Variants in RAP1GAP observed in about 807,000 individuals in gnomAD.
The protein encoded by RAP1GAP is RAP1 GTPase activating protein, also known as rap1 GTPase-activating protein 1.
RAP1GAP carries 35 observed loss-of-function variants against 87.2 expected under a neutral mutation model. The observed-to-expected ratio is 0.40, with a 90% CI of 0.31 to 0.53. RAP1GAP has a LOEUF of 0.53. RAP1GAP is among the 20% of genes least tolerant of loss of function. The pLI is 0.48. For synonymous variants in RAP1GAP, 375 were observed against 363.9 expected (o/e 1.03, Z -0.35); for missense variants, 734 against 898.9 (o/e 0.82, Z 2.35).
At chr1:21,608,173 C>T (rs1199792055) in intron 17 of RAP1GAP, 40 bp downstream of exon 17, 3 of 1,607,304 alleles carry the variant, frequency 1.9e-6, no homozygotes, top group Admixed American at 1.7e-5. Flanking sequence ...GCCCTAGCCA[C>T]GTCCCTGCTC....
At position 21,622,155 on chromosome 1, in the gene RAP1GAP, AG is replaced by A. The variant is rs1329412884; in HGVS notation, c.-18-2106del. 6.6e-6 allele frequency among the ~76,000 whole-genome samples: 1 copy of A among 152,052 alleles called. No individual in the cohort carries two copies. The highest frequency in any genetic ancestry group is 1.9e-4 in the East Asian group (1 of 5,170). Reference sequence around the variant, plus strand: ...CCCGGGAGGCCACAGCAAGAGCCCCAGGGTCCGGGACCCCAGGGTAGGGGTG... The same window carrying A: ...CCCGGGAGGCCACAGCAAGAGCCCCAGGTCCGGGACCCCAGGGTAGGGGTG... On this transcript the variant is annotated intron_variant, in intron 3 of 24. Coordinates refer to ENST00000374765, the MANE Select transcript of RAP1GAP (RefSeq NM_002885.4). The surrounding 1 kb of genome is among the most constrained non-coding windows in gnomAD (Gnocchi z 5.7).
In RAP1GAP at chr1:21,622,263, C is replaced by A. The variant is rs1478036691; in HGVS notation, c.-18-2213G>T. ...TCCGCCCGCCCTGGCTGGGGCAGAG[C>A]CGGCCGGGCTCCCCAGCAGTCGGGG... On this transcript the variant is annotated intron_variant, in intron 3 of 24. Transcript: ENST00000374765. This position sits in a 1 kb window ranked among gnomAD's most constrained non-coding sequence, Gnocchi z 5.7. 1.2e-5 allele frequency: 5 copies of A among 420,366 alleles called. No individual in the cohort carries two copies. The Admixed American group carries it at 1.9e-4, about 16-fold the overall frequency. The allele number at this position is 420,366 out of a possible 1,614,324, so 26.0% of individuals were successfully genotyped here.
At chr1:21,645,589 C>A (rs909471086) in intron 2 of RAP1GAP, among the ~76,000 whole-genome samples, 1 of 152,254 alleles carries the variant, frequency 6.6e-6, no homozygotes, top group Admixed American at 6.5e-5. Context: ...CCCAGTAGAA[C>A]CCCCTCACCC....
At chr1:21,612,910 A>C (rs1162197001) in intron 10 of RAP1GAP, 2 of 520,518 alleles carry the variant, frequency 3.8e-6, no homozygotes, top group Non-Finnish European at 7.0e-6. Context: ...CCCAAACATC[A>C]CAGAGGTTCC....
At chr1:21,627,524 T>C (rs1308815218) in intron 2 of RAP1GAP, among the ~76,000 whole-genome samples, 2 of 150,902 alleles carry the variant, frequency 1.3e-5, no homozygotes, top group Non-Finnish European at 3.0e-5. Context: ...CGAGCGATTC[T>C]CCTGCCTCAG....
chr1:21,664,959 G>C (rs920693602), intron 1 of RAP1GAP, among the ~76,000 whole-genome samples: 1 of 152,136 alleles, frequency 6.6e-6, no homozygotes, highest in African/African-American at 2.4e-5. Context: ...CCCGTTCTAG[G>C]GAGAAAGAAA....
rs767454011 is a variant in RAP1GAP at position 21,598,027 on chromosome 1, C to G, written c.1917G>C (p.Leu639Phe). ...SRSPHPDAGK[L>F]GDPACPEIKI... ...TGATCTCGGGACACGCAGGGTCCCC[C>G]AACTTGCCGGCGTCTGGGTGGGGTG... The change falls in exon 23 of 25, where the codon TTG becomes TTC. Residue 639 changes from leucine (L) to phenylalanine (F), a missense_variant. Around this residue, in one of 2 missense-constraint regions of RAP1GAP, gnomAD observed 249 missense variants for 252.7 expected, o/e 0.99. Coordinates refer to ENST00000374765, the MANE Select transcript of RAP1GAP (RefSeq NM_002885.4). 1.7e-5 allele frequency: 27 copies of G among 1,583,494 alleles called. No individual in the cohort carries two copies. Among genetic ancestry groups the G allele is most frequent in the Middle Eastern group, 4.4e-4 (2 of 4,590 alleles).
intron 1 of RAP1GAP, among the ~76,000 whole-genome samples, chr1:21,657,658 G>A (rs1353633602): frequency 1.3e-5 from 2 of 152,164 alleles, no homozygotes; most frequent in Non-Finnish European, 2.9e-5. Flanking sequence ...CATTTTCGGG[G>A]CAGTTGGACA....
intron 2 of RAP1GAP, among the ~76,000 whole-genome samples, chr1:21,641,011 G>A (rs1431750079): frequency 3.3e-5 from 5 of 151,624 alleles, no homozygotes; most frequent in East Asian, 1.9e-4. Flanking sequence ...GGGTTCAAGC[G>A]ATTCTCCTGC....
In RAP1GAP at chr1:21,613,838, G is replaced by A; in HGVS notation, c.396-132C>T. The A allele has an allele frequency of 1.7e-6, 2 of 1,144,466 alleles. No homozygotes were observed. The highest frequency in any genetic ancestry group is 1.3e-5 in the South Asian group (1 of 76,862). 70.9% of individuals were successfully genotyped at this position (1,144,466 alleles called of 1,614,324 possible). On this transcript the variant is annotated intron_variant, in intron 8 of 24. Coordinates refer to ENST00000374765, the MANE Select transcript of RAP1GAP (RefSeq NM_002885.4). This position sits in a 1 kb window ranked among gnomAD's most constrained non-coding sequence, Gnocchi z 4.7. ...CAGAGGTGATGATGGGTGTCAGGCT[G>A]ACTCGGGTACTAACTTGCTGTGCAA...
chr1:21,647,225 C>A (rs1437781159), intron 2 of RAP1GAP, among the ~76,000 whole-genome samples: 1 of 152,104 alleles, frequency 6.6e-6, no homozygotes, highest in Non-Finnish European at 1.5e-5. Context: ...CAATGGGAGG[C>A]CGAGATGGGA....
At chr1:21,656,854 C>T (rs1379284222) in intron 1 of RAP1GAP, among the ~76,000 whole-genome samples, 1 of 152,262 alleles carries the variant, frequency 6.6e-6, no homozygotes, top group Non-Finnish European at 1.5e-5. Flanking sequence ...CCATGCAGAT[C>T]ATGTGGCTTG....
rs1281835718 is a variant in RAP1GAP, at chr1:21,606,112, C to T, written c.1382G>A (p.Gly461Glu). ...KPNTVSTSHS[G>E]SFAPNNPDLA... Reference sequence around the variant, plus strand: ...GTCGGGGTTGTTGGGCGCGAAGCTCCCGCTGTGGCTGGTGGACACGGTGTT... The same window carrying T: ...GTCGGGGTTGTTGGGCGCGAAGCTCTCGCTGTGGCTGGTGGACACGGTGTT... Residue 461 changes from glycine (G) to glutamate (E), a missense_variant, in exon 18 of 25, where the codon GGG becomes GAG. Coordinates refer to ENST00000374765, the MANE Select transcript of RAP1GAP (RefSeq NM_002885.4). 1.3e-6 allele frequency: 2 copies of T among 1,588,642 alleles called. No homozygotes were observed. Among genetic ancestry groups the T allele is most frequent in the Non-Finnish European group, 1.7e-6 (2 of 1,167,730 alleles).
Position 21,669,117 on chromosome 1 carries a change from C to T in RAP1GAP, c.-149+137G>A, listed in dbSNP as rs1259241237. On this transcript the variant is annotated intron_variant, in intron 1 of 24. Coordinates refer to ENST00000374765, the MANE Select transcript of RAP1GAP (RefSeq NM_002885.4). This position sits in a 1 kb window ranked among gnomAD's most constrained non-coding sequence, Gnocchi z 5.6. ...GCGCCCACCCCTCGCCCCTGGAGAC[C>T]CGGGTCCCCCACGCGTTCGCCCCCA... 3.0e-6 allele frequency: 3 copies of T among 993,492 alleles called. No homozygotes were observed. The East Asian group carries it at 3.1e-4, about 104-fold the overall frequency. 61.5% of individuals were successfully genotyped at this position (993,492 alleles called of 1,614,324 possible). A position where few individuals can be genotyped will look rare whatever the true frequency, so the allele number is the denominator to read the frequency against.
intron 1 of RAP1GAP, among the ~76,000 whole-genome samples, chr1:21,658,150 A>G (rs2096939075): frequency 6.6e-6 from 1 of 152,076 alleles, no homozygotes; most frequent in African/African-American, 2.4e-5. Flanking sequence ...CTAGAACCTA[A>G]CTCTGGTTTA....
At chr1:21,611,896 G>A in intron 11 of RAP1GAP, 80 bp from the exon 12 acceptor site, 1 of 1,513,698 alleles carries the variant, frequency 6.6e-7, no homozygotes, top group South Asian at 1.1e-5. Context: ...ACCCAGAGAG[G>A]GCCGGAGGGA....
chr1:21,656,417 TAAAAA>T (rs71661339), intron 1 of RAP1GAP, among the ~76,000 whole-genome samples: 3,872 of 96,190 alleles, frequency 0.04, 213 homozygotes, highest in Middle Eastern at 0.078. Flanking sequence ...AGACTCCATC[TAAAAA>T]AAAAAAAAAA....
rs1489979512 is a variant in RAP1GAP, at chr1:21,622,652, C to G, written c.-18-2602G>C. The G allele has an allele frequency of 6.8e-6, 1 of 147,832 alleles. No homozygotes were observed. Among genetic ancestry groups the G allele is most frequent in the Non-Finnish European group, 1.5e-5 (1 of 66,438 alleles). The allele number at this position is 147,832 out of a possible 1,614,324, so 9.2% of individuals were successfully genotyped here. On this transcript the variant is annotated intron_variant, in intron 3 of 24. Coordinates refer to ENST00000374765, the MANE Select transcript of RAP1GAP (RefSeq NM_002885.4). This position sits in a 1 kb window ranked among gnomAD's most constrained non-coding sequence, Gnocchi z 5.7. ...GGCGGGGGCGCTGAAGCCACGCCCCCCGGGCGGCCCGGCCCGCGGCCCCGG... is the reference window on the plus strand; with the variant it reads ...GGCGGGGGCGCTGAAGCCACGCCCCGCGGGCGGCCCGGCCCGCGGCCCCGG...
chr1:21,655,681 C>A (rs1167239935), intron 1 of RAP1GAP, among the ~76,000 whole-genome samples: 1 of 152,222 alleles, frequency 6.6e-6, no homozygotes, highest in Non-Finnish European at 1.5e-5. Flanking sequence ...TGAGAGGAAG[C>A]CTCCCCTTTG....
Sources: gnomAD v4.1 joint callset for allele counts (sites outside exome capture counted in the v4.1 genomes callset) on GRCh38, gnomAD v4.1.1 for gene constraint, gnomAD v4.1.1 regional missense constraint, Gnocchi (gnomAD v3.1) non-coding constraint, MANE v1.5 for transcripts, NCBI Gene and HGNC (gene_info 2026-07-23, HGNC 2026-07-21) for gene names.